Variants in DLG2 observed in about 807,000 individuals in gnomAD.
The protein encoded by DLG2 is discs large MAGUK scaffold protein 2.
In DLG2, 45 loss-of-function variants were observed where a neutral mutation model predicts 132.5. The ratio of observed to expected loss-of-function variants is 0.34; its 90% CI spans 0.27 to 0.44. The LOEUF (loss-of-function observed/expected upper bound fraction) is 0.44. Ranked by LOEUF, DLG2 falls within the 20% of genes least tolerant of loss-of-function variation. The pLI is 1.00. For missense variants in DLG2, 1,045 were observed against 1,196.9 expected, an observed-to-expected ratio of 0.87 and a Z score of 1.87; for synonymous variants, 424 against 419.6, an observed-to-expected ratio of 1.01 and a Z score of -0.13.
chr11:83,724,260 T>G (rs73509287), intron 18 of DLG2, among the ~76,000 whole-genome samples: 2 of 152,164 alleles, frequency 1.3e-5, no homozygotes, highest in South Asian at 4.1e-4. Flanking sequence ...CATTCAAGTC[T>G]GTCTGGTTCT....
In DLG2 at chr11:84,088,042, G is replaced by T. The variant is rs535931784; in HGVS notation, c.749+10881C>A. Among the ~76,000 whole-genome samples the T allele has an allele frequency of 2.0e-5, 3 of 152,178 alleles. No individual in the cohort carries two copies. In the East Asian group the frequency reaches 5.8e-4, roughly 29 times the overall value. Reference sequence around the variant, plus strand: ...ATTCCGGATACAAGTCGTTTATCAGGTATATTATTTGCAAGTATTTTCTCT... The same window carrying T: ...ATTCCGGATACAAGTCGTTTATCAGTTATATTATTTGCAAGTATTTTCTCT... On this transcript the variant is annotated intron_variant, in intron 10 of 27. Coordinates refer to ENST00000376104, the MANE Select transcript of DLG2 (RefSeq NM_001142699.3).
At chr11:83,493,350 T>TCCTA (rs2093970869) in intron 21 of DLG2, among the ~76,000 whole-genome samples, 1 of 49,116 alleles carries the variant, frequency 2.0e-5, no homozygotes, top group Non-Finnish European at 4.4e-5. Context: ...CTTCCTTCCT[T>TCCTA]CCTTCCTTCC....
At chr11:84,084,384 T>C (rs2096944973) in intron 10 of DLG2, among the ~76,000 whole-genome samples, 1 of 152,164 alleles carries the variant, frequency 6.6e-6, no homozygotes. Flanking sequence ...TCCTTTGGAA[T>C]GGAAGTAGGG....
intron 9 of DLG2, 51 bp downstream of exon 9, chr11:84,163,410 G>C (rs1326221089): frequency 6.7e-7 from 1 of 1,487,496 alleles, no homozygotes; most frequent in Non-Finnish European, 9.2e-7. Flanking sequence ...GATTAGAATA[G>C]AATGTGAAAT....
chr11:85,572,087 G>A (rs1394035047), intron 3 of DLG2, among the ~76,000 whole-genome samples: 2 of 151,944 alleles, frequency 1.3e-5, no homozygotes, highest in East Asian at 1.9e-4. Flanking sequence ...TCTTCTAATC[G>A]CTACAAGCTT....
chr11:84,631,165 T>C (rs926854791), intron 6 of DLG2, among the ~76,000 whole-genome samples: 4 of 151,872 alleles, frequency 2.6e-5, no homozygotes, highest in African/African-American at 4.8e-5. Flanking sequence ...AGGGAGTACA[T>C]TGCAAATAAT....
chr11:85,621,482 ACTC>A (rs2081697681), intron 2 of DLG2, among the ~76,000 whole-genome samples: 1 of 152,228 alleles, frequency 6.6e-6, no homozygotes, highest in Admixed American at 6.5e-5. Flanking sequence ...CCTGGAAAGA[ACTC>A]ATCATTCTAT....
chr11:85,315,149 A>C (rs568526483), intron 3 of DLG2, among the ~76,000 whole-genome samples: 95 of 152,156 alleles, frequency 6.2e-4, no homozygotes, highest in African/African-American at 2.1e-3. Context: ...TTAAGGAATT[A>C]AGTAACAGCA....
intron 6 of DLG2, among the ~76,000 whole-genome samples, chr11:84,747,255 A>G (rs1413413434): frequency 6.6e-6 from 1 of 152,216 alleles, no homozygotes; most frequent in East Asian, 1.9e-4. Context: ...TTTTTATTAG[A>G]AAACAATATT....
rs1594060349 is a variant in DLG2 at position 83,593,131 on chromosome 11, A to G, written c.1940+40080T>C. 7.7e-5 allele frequency among the ~76,000 whole-genome samples: 10 copies of G among 129,670 alleles called. No individual in the cohort carries two copies. In the South Asian group the frequency reaches 2.4e-3, roughly 32 times the overall value. 85.1% of individuals were successfully genotyped at this position (129,670 alleles called of 152,430 possible). A position where few individuals can be genotyped will look rare whatever the true frequency, so the allele number is the denominator to read the frequency against. ...ACTAGAAATACCATTTGACCCAGCC[A>G]TCCCATTACTGGGTATATACCCAAA... On this transcript the variant is annotated intron_variant, in intron 19 of 27. Transcript: ENST00000376104.
intron 3 of DLG2, among the ~76,000 whole-genome samples, chr11:85,589,665 T>C (rs962311394): frequency 2.0e-5 from 3 of 152,070 alleles, no homozygotes; most frequent in African/African-American, 4.8e-5. Flanking sequence ...TTTTACCCAG[T>C]TGGTGAGGCC....
chr11:84,429,973 C>G (rs192193320), intron 7 of DLG2, among the ~76,000 whole-genome samples: 1 of 152,248 alleles, frequency 6.6e-6, no homozygotes, highest in Admixed American at 6.5e-5. Flanking sequence ...TATCTCTTCT[C>G]CATATCAGAG....
chr11:83,510,228 C>G (rs550171647), intron 21 of DLG2, among the ~76,000 whole-genome samples: 10 of 152,070 alleles, frequency 6.6e-5, no homozygotes, highest in African/African-American at 1.9e-4. Flanking sequence ...TCCCTCCCTC[C>G]CTCCCTCCTT....
chr11:85,611,354 C>T (rs1447886806), intron 2 of DLG2, among the ~76,000 whole-genome samples: 1 of 152,220 alleles, frequency 6.6e-6, no homozygotes, highest in African/African-American at 2.4e-5. Flanking sequence ...ATACCAGGCA[C>T]TACTCCTTGA....
intron 19 of DLG2, among the ~76,000 whole-genome samples, chr11:83,586,128 C>T (rs2097080823): frequency 6.6e-6 from 1 of 152,184 alleles, no homozygotes; most frequent in Non-Finnish European, 1.5e-5. Flanking sequence ...TTCAGGACAG[C>T]TAGAGAATCT....
At chr11:83,578,661 G>A (rs1422620966) in intron 19 of DLG2, among the ~76,000 whole-genome samples, 2 of 152,120 alleles carry the variant, frequency 1.3e-5, no homozygotes, top group African/African-American at 4.8e-5. Context: ...AGAATATTAT[G>A]AGCAATGATG....
intron 6 of DLG2, among the ~76,000 whole-genome samples, chr11:84,907,675 G>T (rs958627684): frequency 2.6e-5 from 4 of 152,064 alleles, no homozygotes; most frequent in African/African-American, 7.2e-5. Context: ...GTCAAATAAG[G>T]GTTCTCCTCT....
chr11:83,456,342 C>T lies in DLG2; in HGVS notation c.*3476G>A, dbSNP rs2088976758. ...GCAGGCTCCAGGTCAGGGCCTCACG[C>T]TCAGCTTTACTTTCTGGGCTGAGTA... On this transcript the variant is annotated 3_prime_UTR_variant, in exon 28 of 28. Transcript: ENST00000376104. The T allele has an allele frequency of 6.5e-6, 1 of 152,758 alleles. No individual in the cohort carries two copies. The highest frequency in any genetic ancestry group is 1.5e-5 in the Non-Finnish European group (1 of 68,176). 9.5% of individuals were successfully genotyped at this position (152,758 alleles called of 1,614,324 possible).
intron 6 of DLG2, among the ~76,000 whole-genome samples, chr11:84,662,028 A>G (rs951898370): frequency 1.3e-5 from 2 of 151,984 alleles, no homozygotes; most frequent in South Asian, 4.1e-4. Flanking sequence ...TCTAGTTTAG[A>G]AAGGGTCAGC....
Sources: gnomAD v4.1 joint callset for allele counts (sites outside exome capture counted in the v4.1 genomes callset) on GRCh38, gnomAD v4.1.1 for gene constraint, MANE v1.5 for transcripts, NCBI Gene and HGNC (gene_info 2026-07-23, HGNC 2026-07-21) for gene names.